PRKAR1A: variants seen among roughly 807,000 people sequenced by gnomAD.
PRKAR1A encodes the protein protein kinase cAMP-dependent type I regulatory subunit alpha.
A neutral mutation model predicts 52.0 loss-of-function variants in PRKAR1A; 3 were observed. The observed-to-expected ratio is 0.06, with a 90% CI of 0.03 to 0.15. The LOEUF is 0.15. Among genes scored for constraint, PRKAR1A ranks in the 10% least tolerant of loss-of-function variants. PRKAR1A has a pLI of 1.00. For missense variants in PRKAR1A, 240 were observed against 477.4 expected (o/e 0.50, Z 4.63); for synonymous variants, 188 against 168.4 (o/e 1.12, Z -0.90).
At chr17:68,444,351 A>G in the PRKAR1A span, 1 of 728,088 alleles carries the variant, frequency 1.4e-6, no homozygotes, top group African/African-American at 1.8e-5. Context: ...GCCGCCATTA[A>G]GACAAAGCTT....
At chr17:68,463,857 A>G in the PRKAR1A span, among the ~76,000 whole-genome samples, 1 of 152,260 alleles carries the variant, frequency 6.6e-6, no homozygotes, top group Non-Finnish European at 1.5e-5. Context: ...AATTCGACAC[A>G]GACAGCTGTG....
chr17:68,463,585 T>C, the PRKAR1A span, among the ~76,000 whole-genome samples: 87 of 152,270 alleles, frequency 5.7e-4, 1 homozygote, highest in Middle Eastern at 3.4e-3. Flanking sequence ...CTAAGAAATG[T>C]ATAGCAGTGA....
the PRKAR1A span, among the ~76,000 whole-genome samples, chr17:68,481,856 A>T: frequency 2.0e-5 from 3 of 152,356 alleles, no homozygotes; most frequent in East Asian, 1.9e-4. Context: ...TCTCGGATGG[A>T]TGGAACTTAA....
At chr17:68,457,887 AG>A in the PRKAR1A span, among the ~76,000 whole-genome samples, 2 of 152,036 alleles carry the variant, frequency 1.3e-5, no homozygotes. Context: ...CCCAGCTGGG[AG>A]GGAGAGGGAA....
the PRKAR1A span, among the ~76,000 whole-genome samples, chr17:68,442,886 T>C: frequency 6.6e-6 from 1 of 152,200 alleles, no homozygotes; most frequent in Non-Finnish European, 1.5e-5. Flanking sequence ...GCTCCTGGTA[T>C]GAGGTTGCCT....
the PRKAR1A span, among the ~76,000 whole-genome samples, chr17:68,472,044 T>C: frequency 6.6e-6 from 1 of 152,176 alleles, no homozygotes; most frequent in African/African-American, 2.4e-5. Flanking sequence ...CCTCAAGCAA[T>C]CCGCCCGCCT....
the PRKAR1A span, chr17:68,430,001 G>A: frequency 1.9e-6 from 3 of 1,613,990 alleles, no homozygotes; most frequent in African/African-American, 2.7e-5. Flanking sequence ...CGTACGTTGA[G>A]AGGGTACAGA....
At chr17:68,448,149 T>C in the PRKAR1A span, among the ~76,000 whole-genome samples, 1 of 152,140 alleles carries the variant, frequency 6.6e-6, no homozygotes, top group Non-Finnish European at 1.5e-5. Context: ...ACACTCCCCT[T>C]GGGCCTTTAT....
At chr17:68,542,667 G>A (rs372299359) in intron 11 of PRKAR1A, 16 of 1,565,074 alleles carry the variant, frequency 1.0e-5, no homozygotes, top group African/African-American at 9.5e-5. Flanking sequence ...ACTCAGACCC[G>A]GAATATCACT....
intron 11 of PRKAR1A, chr17:68,539,464 C>T: frequency 1.4e-6 from 2 of 1,386,916 alleles, no homozygotes; most frequent in South Asian, 1.2e-5. Flanking sequence ...GGCTTCCTCT[C>T]TCCTCTCAGC....
At chr17:68,529,024 A>T (rs1404467185) in intron 9 of PRKAR1A, 33 bp downstream of exon 9, 1 of 1,612,754 alleles carries the variant, frequency 6.2e-7, no homozygotes, top group East Asian at 2.2e-5. Context: ...CTTGAATTTT[A>T]GAGGTAAAGA....
chr17:68,537,844 G>T (rs1399929102), downstream of PRKAR1A: 3 of 1,295,032 alleles, frequency 2.3e-6, no homozygotes, highest in Non-Finnish European at 3.2e-6. This position sits in a 1 kb window ranked among gnomAD's most constrained non-coding sequence, Gnocchi z 4.2. Context: ...TACTCTTGGC[G>T]CCTCTCCTTG....
chr17:68,536,446 G>A (rs2086098383), downstream of PRKAR1A: 2 of 454,024 alleles, frequency 4.4e-6, no homozygotes, highest in African/African-American at 2.0e-5. Flanking sequence ...GGAGAAGGTA[G>A]AGGAGACAAG....
chr17:68,544,348 G>A (rs369559079), intron 11 of PRKAR1A, among the ~76,000 whole-genome samples: 8 of 152,276 alleles, frequency 5.3e-5, no homozygotes, highest in South Asian at 2.1e-4. Context: ...CCTGAAAAGC[G>A]CCAGGCTGCC....
the PRKAR1A span, chr17:68,457,295 G>T: frequency 6.5e-7 from 1 of 1,534,134 alleles, no homozygotes; most frequent in Non-Finnish European, 8.8e-7. Context: ...CCTGGGTCCT[G>T]ACACTCTGTC....
At chr17:68,486,697 A>G in the PRKAR1A span, among the ~76,000 whole-genome samples, 1 of 151,696 alleles carries the variant, frequency 6.6e-6, no homozygotes, top group East Asian at 1.9e-4. Context: ...GTAGAAAGTG[A>G]AAATATAGTG....
At chr17:68,439,072 T>C in the PRKAR1A span, among the ~76,000 whole-genome samples, 2 of 152,232 alleles carry the variant, frequency 1.3e-5, no homozygotes, top group Non-Finnish European at 2.9e-5. Context: ...CTGGAACGTT[T>C]AGCAGTTCTT....
chr17:68,458,201 G>A, the PRKAR1A span, among the ~76,000 whole-genome samples: 1 of 152,150 alleles, frequency 6.6e-6, no homozygotes, highest in Non-Finnish European at 1.5e-5. Context: ...TGCCAAGCGC[G>A]CCGTACTATG....
chr17:68,466,183 C>G, the PRKAR1A span, among the ~76,000 whole-genome samples: 3 of 152,146 alleles, frequency 2.0e-5, no homozygotes, highest in South Asian at 4.1e-4. Flanking sequence ...CCTCCAAAGC[C>G]TTTCCTATTA....
Sources: gnomAD v4.1 joint callset for allele counts (sites outside exome capture counted in the v4.1 genomes callset) on GRCh38, gnomAD v4.1.1 for gene constraint, Gnocchi (gnomAD v3.1) non-coding constraint, MANE v1.5 for transcripts, NCBI Gene and HGNC (gene_info 2026-07-23, HGNC 2026-07-21) for gene names.